Variants in POU6F2 observed in about 807,000 individuals in gnomAD.
POU6F2 encodes POU class 6 homeobox 2, also known as POU domain, class 6, transcription factor 2.
POU6F2 carries 31 observed loss-of-function variants against 71.3 expected under a neutral mutation model. The ratio of observed to expected loss-of-function variants is 0.43; its 90% CI spans 0.33 to 0.59. The LOEUF (loss-of-function observed/expected upper bound fraction) is 0.59. POU6F2 is among the 20% of genes least tolerant of loss of function. The pLI, the probability that POU6F2 is intolerant of heterozygous loss-of-function variation, is 0.04. For missense variants in POU6F2, 783 were observed against 856.8 expected (o/e 0.91, Z 1.07); for synonymous variants, 347 against 355.7 (o/e 0.98, Z 0.27).
intron 1 of POU6F2, among the ~76,000 whole-genome samples, chr7:39,068,508 A>ATATATATATATATATATATAT (rs1482747966): frequency 1.5e-5 from 2 of 130,918 alleles, no homozygotes; most frequent in African/African-American, 6.8e-5. Flanking sequence ...TATATATATA[A>ATATATATATATATATATATAT]TTTTCATAAA....
At chr7:39,373,603 A>C (rs1490945459) in intron 5 of POU6F2, 3 of 448,498 alleles carry the variant, frequency 6.7e-6, no homozygotes, top group African/African-American at 6.0e-5. Flanking sequence ...AGTCTAGCTA[A>C]CTGTATGCAT....
intron 3 of POU6F2, 128 bp downstream of exon 3, chr7:39,204,454 G>A (rs74713643): frequency 0.022 from 15,326 of 707,588 alleles, 249 homozygotes; most frequent in Middle Eastern, 0.049. Context: ...ATAAATTTTC[G>A]TATGAAAAGC....
At chr7:39,015,908 T>TAATATATTGTATATTGA (rs1491133686) in intron 1 of POU6F2, among the ~76,000 whole-genome samples, 2 of 46,226 alleles carry the variant, frequency 4.3e-5, no homozygotes, top group African/African-American at 9.3e-5. Context: ...TAGATATATA[T>TAATATATTGTATATTGA]TATATATTAT....
rs1335114910 is a variant in POU6F2 at position 39,467,814 on chromosome 7, T to TA, written c.*3130dup. 1 of 152,176 alleles carries TA rather than the reference T, an allele frequency of 6.6e-6. No individual in the cohort carries two copies. The highest frequency in any genetic ancestry group is 2.4e-5 in the African/African-American group (1 of 41,440). 9.4% of individuals were successfully genotyped at this position (152,176 alleles called of 1,614,324 possible). On this transcript the variant is annotated 3_prime_UTR_variant, in exon 10 of 10. Coordinates refer to ENST00000518318, the MANE Select transcript of POU6F2 (RefSeq NM_001370959.1). ...GAGGTGTATCAAAGAACTCAAGCTA[T>TA]AACCAAAAAGAAATCGTAAAATGCC... is the stretch of plus-strand genomic sequence containing the variant.
chr7:39,258,377 G>A (rs1784066106), intron 4 of POU6F2, among the ~76,000 whole-genome samples: 2 of 152,092 alleles, frequency 1.3e-5, no homozygotes, highest in South Asian at 4.2e-4. Context: ...CTGGAGCCTG[G>A]GATTTTATCC....
chr7:39,111,555 T>C lies in POU6F2; in HGVS notation c.277+25524T>C, dbSNP rs1397045741. Reference sequence around the variant, plus strand: ...TTCAACAAATATTAAAATAATGAATTTTCATATTTTATAGCTGCATCATAA... The same window carrying C: ...TTCAACAAATATTAAAATAATGAATCTTCATATTTTATAGCTGCATCATAA... On this transcript the variant is annotated intron_variant, in intron 2 of 9. Transcript: ENST00000518318. Among the ~76,000 whole-genome samples the C allele has an allele frequency of 3.3e-5, 5 of 152,316 alleles. No individual in the cohort carries two copies. The East Asian group carries it at 7.7e-4, about 23-fold the overall frequency.
chr7:39,020,436 T>TA (rs1256429043), intron 1 of POU6F2, among the ~76,000 whole-genome samples: 2 of 152,164 alleles, frequency 1.3e-5, no homozygotes, highest in Admixed American at 6.6e-5. Context: ...TTTCCAGAAT[T>TA]ACAGCATTGA....
chr7:39,119,830 C>G (rs1235733812), intron 2 of POU6F2, among the ~76,000 whole-genome samples: 2 of 152,104 alleles, frequency 1.3e-5, no homozygotes, highest in Admixed American at 1.3e-4. Flanking sequence ...TATAATTTCT[C>G]CAGGTCAATA....
At chr7:39,438,837 ATTTG>A (rs1455000146) in intron 7 of POU6F2, among the ~76,000 whole-genome samples, 1 of 152,192 alleles carries the variant, frequency 6.6e-6, no homozygotes, top group Non-Finnish European at 1.5e-5. Flanking sequence ...TATTCTGTTG[ATTTG>A]GGGTGGAGAG....
intron 4 of POU6F2, among the ~76,000 whole-genome samples, chr7:39,230,233 A>AT (rs988799342): frequency 1.3e-5 from 2 of 152,162 alleles, no homozygotes; most frequent in Admixed American, 6.5e-5. Flanking sequence ...TAATCCCAGC[A>AT]TTTTGGGAGG....
chr7:39,145,815 T>C (rs1792610017), intron 2 of POU6F2, among the ~76,000 whole-genome samples: 1 of 152,192 alleles, frequency 6.6e-6, no homozygotes, highest in Non-Finnish European at 1.5e-5. Context: ...AAGAATAACA[T>C]AACCCATCCT....
intron 5 of POU6F2, among the ~76,000 whole-genome samples, chr7:39,349,540 G>A (rs1562799281): frequency 6.6e-6 from 1 of 152,026 alleles, no homozygotes; most frequent in Non-Finnish European, 1.5e-5. Flanking sequence ...AGATCCCCCA[G>A]CCCCTGGCAC....
intron 4 of POU6F2, among the ~76,000 whole-genome samples, chr7:39,208,333 T>C (rs1190387106): frequency 1.4e-4 from 22 of 152,182 alleles, no homozygotes; most frequent in African/African-American, 4.8e-4. Flanking sequence ...ATTATTTTGG[T>C]GGAAAATGAC....
rs561982926 is a variant in POU6F2, at chr7:39,279,258, G to A, written c.599-60384G>A. On this transcript the variant is annotated intron_variant, in intron 4 of 9. Transcript: ENST00000518318. ...TTCTGCACCCAGCAAACATCTACTC[G>A]AGTTCCAAGCCCCAACACAGGTGCC... 2.5e-3 allele frequency among the ~76,000 whole-genome samples: 374 copies of A among 151,606 alleles called. 3 individuals are homozygous for A. Among genetic ancestry groups the A allele is most frequent in the African/African-American group, 8.5e-3 (354 of 41,410 alleles).
At chr7:38,979,476 G>A (rs535540746) in intron 1 of POU6F2, among the ~76,000 whole-genome samples, 3 of 152,150 alleles carry the variant, frequency 2.0e-5, no homozygotes, top group Admixed American at 2.0e-4. Context: ...TATTTGCTTC[G>A]ACAGAGAAAT....
intron 2 of POU6F2, among the ~76,000 whole-genome samples, chr7:39,172,671 A>T (rs980611487): frequency 6.6e-6 from 1 of 151,084 alleles, no homozygotes; most frequent in Non-Finnish European, 1.5e-5. Context: ...CCCAGACTGA[A>T]GTGCAGTGGT....
chr7:39,211,371 G>C (rs1191458465), intron 4 of POU6F2, among the ~76,000 whole-genome samples: 2 of 152,152 alleles, frequency 1.3e-5, no homozygotes, highest in Admixed American at 6.5e-5. Context: ...TGACAGAAAG[G>C]AATAATGTGT....
At chr7:39,371,330 C>A (rs1049627919) in intron 5 of POU6F2, among the ~76,000 whole-genome samples, 2 of 152,114 alleles carry the variant, frequency 1.3e-5, no homozygotes, top group Non-Finnish European at 2.9e-5. Flanking sequence ...CAGGCGCCCA[C>A]CACCACACCC....
chr7:39,141,542 T>C (rs1334372692), intron 2 of POU6F2, among the ~76,000 whole-genome samples: 3 of 152,224 alleles, frequency 2.0e-5, no homozygotes, highest in South Asian at 2.1e-4. Flanking sequence ...ATTCTTTGTA[T>C]GTCTTAAACA....
Sources: allele counts gnomAD v4.1 joint callset (sites outside exome capture counted in the v4.1 genomes callset), GRCh38; gene constraint gnomAD v4.1.1; transcripts MANE v1.5; gene names NCBI Gene and HGNC (gene_info 2026-07-23, HGNC 2026-07-21).